The following ABL2 variants were observed in gnomAD, a reference collection of about 807,000 sequenced individuals.
ABL2 encodes the protein tyrosine-protein kinase ABL2.
In ABL2, 49 loss-of-function variants were observed where a neutral mutation model predicts 107.7. The ratio of observed to expected loss-of-function variants is 0.45; its 90% CI spans 0.36 to 0.58. The LOEUF is 0.58. ABL2 is among the 20% of genes least tolerant of loss of function. The probability of loss-of-function intolerance (pLI) is 0.00; values close to 1 mark genes in which losing one functional copy is unlikely to be tolerated. For synonymous variants in ABL2, 549 were observed against 548.6 expected, an observed-to-expected ratio of 1.00 and a Z score of -0.01; for missense variants, 1,245 against 1,457.0, an observed-to-expected ratio of 0.85 and a Z score of 2.37.
rs146159814 is a variant in ABL2, at chr1:179,192,120, C to T, written c.157+37121G>A. Among the ~76,000 whole-genome samples the T allele has an allele frequency of 4.9e-3, 750 of 152,238 alleles. 5 individuals are homozygous for T. The highest frequency in any genetic ancestry group is 0.017 in the African/African-American group (701 of 41,538). ...TCATATTTCACTCCTTGGTTAGTCACGTATATAGCAGGGACTCTATACTCA... is the reference window on the plus strand; with the variant it reads ...TCATATTTCACTCCTTGGTTAGTCATGTATATAGCAGGGACTCTATACTCA... On this transcript the variant is annotated intron_variant, in intron 1 of 11. Coordinates refer to ENST00000502732, the MANE Select transcript of ABL2 (RefSeq NM_007314.4).
At chr1:179,149,256 G>C (rs1260067781) in intron 1 of ABL2, among the ~76,000 whole-genome samples, 1 of 152,320 alleles carries the variant, frequency 6.6e-6, no homozygotes, top group East Asian at 1.9e-4. Context: ...TCCAGAGCAA[G>C]GCCCCAACTC....
chr1:179,126,443 C>T lies in ABL2; in HGVS notation c.621G>A (p.Leu207=). 1 of 1,614,196 alleles carries T rather than the reference C, an allele frequency of 6.2e-7. No individual in the cohort carries two copies. ...VRESESSPGQ[L]SISLRYEGRV... is the part of the protein sequence containing the mutation. The stretch of plus-strand genomic sequence containing the variant: ...GTCCCTCGTACCTGAGCGAGATGGA[C>T]AGCTGCCCAGGGCTACTCTCACTTT... The change falls in exon 4 of 12, where the codon CTG becomes CTA. Residue 207 remains leucine (L), a synonymous_variant. Coordinates refer to ENST00000502732, the MANE Select transcript of ABL2 (RefSeq NM_007314.4). This position sits in a 1 kb window ranked among gnomAD's most constrained non-coding sequence, Gnocchi z 4.4.
intron 1 of ABL2, among the ~76,000 whole-genome samples, chr1:179,194,200 A>T (rs886573396): frequency 1.3e-5 from 2 of 152,190 alleles, no homozygotes; most frequent in African/African-American, 2.4e-5. Flanking sequence ...GTAGAAACAC[A>T]TTTTTTTTGA....
intron 5 of ABL2, among the ~76,000 whole-genome samples, chr1:179,121,193 A>C (rs1655158070): frequency 6.6e-6 from 1 of 152,228 alleles, no homozygotes; most frequent in Non-Finnish European, 1.5e-5. Context: ...ATCTAACTGC[A>C]AAGAGACAGG....
At chr1:179,141,228 C>G (rs1657560541) in intron 1 of ABL2, among the ~76,000 whole-genome samples, 1 of 151,786 alleles carries the variant, frequency 6.6e-6, no homozygotes, top group Admixed American at 6.6e-5. Context: ...GAGGTTGAGC[C>G]TGCAGTGAGC....
Position 179,105,271 on chromosome 1 carries a change from G to A in ABL2, c.*2447C>T, listed in dbSNP as rs990776856. 1.3e-5 allele frequency: 3 copies of A among 230,644 alleles called. No individual in the cohort carries two copies. The highest frequency in any genetic ancestry group is 2.6e-5 in the Non-Finnish European group (3 of 116,678). 14.3% of individuals were successfully genotyped at this position (230,644 alleles called of 1,614,324 possible). ...ATACACTCAGTAGTGTTTCTCCAAGGCTTAGTTCCAGAACTCTCAAGGGAA... is the reference window on the plus strand; with the variant it reads ...ATACACTCAGTAGTGTTTCTCCAAGACTTAGTTCCAGAACTCTCAAGGGAA... On this transcript the variant is annotated 3_prime_UTR_variant, in exon 12 of 12. Transcript: ENST00000502732.
At chr1:179,212,991 A>C (rs1662363153) in intron 1 of ABL2, among the ~76,000 whole-genome samples, 1 of 150,418 alleles carries the variant, frequency 6.6e-6, no homozygotes, top group African/African-American at 2.5e-5. Flanking sequence ...GGTTGCAGTG[A>C]GCCAAGATCA....
In ABL2 at chr1:179,162,585, T is replaced by C. The variant is rs141115401; in HGVS notation, c.158-29211A>G. On this transcript the variant is annotated intron_variant, in intron 1 of 11. Transcript: ENST00000502732. ...GGGCAACAGAGCGAGACTCTGTTTT[T>C]AAAAAAAATTAAAAAATAAATTTAA... Among the ~76,000 whole-genome samples, 1,301 of 152,136 alleles carry C rather than the reference T, an allele frequency of 8.6e-3. 14 individuals carry two copies. The highest frequency in any genetic ancestry group is 0.03 in the African/African-American group (1,240 of 41,476).
At position 179,108,622 on chromosome 1, in the gene ABL2, G is replaced by T; in HGVS notation, c.2645C>A (p.Ala882Asp). 1 of 1,614,170 alleles carries T rather than the reference G, an allele frequency of 6.2e-7. No homozygotes were observed. The highest frequency in any genetic ancestry group is 8.5e-7 in the Non-Finnish European group (1 of 1,180,034). The stretch of plus-strand genomic sequence containing the variant: ...ACCCTTGGGGGCAGCTGCCACTCCA[G>T]CCACTCCCACCCCTGGAGGGTCCTT... ...TEKDPPGVGVAGVAAAPKGKE... is the reference protein window; with the variant it reads ...TEKDPPGVGVDGVAAAPKGKE... The change falls in exon 12 of 12, where the codon GCT (alanine) becomes GAT (aspartate). Residue 882 changes from alanine to aspartate, a missense_variant. Ala to Asp is a moderately radical substitution (Grantham distance 126). Around this residue, in one of 3 missense-constraint regions of ABL2, gnomAD observed 761 missense variants for 766.4 expected, o/e 0.99. Transcript: ENST00000502732.
At chr1:179,143,399 G>A (rs1199025516) in intron 1 of ABL2, among the ~76,000 whole-genome samples, 1 of 152,158 alleles carries the variant, frequency 6.6e-6, no homozygotes, top group Non-Finnish European at 1.5e-5. Flanking sequence ...GAGATGATGA[G>A]GTGAGACTAG....
intron 1 of ABL2, among the ~76,000 whole-genome samples, chr1:179,204,890 T>C (rs1160392112): frequency 6.6e-6 from 1 of 152,208 alleles, no homozygotes; most frequent in Non-Finnish European, 1.5e-5. Context: ...TCGGTTATTC[T>C]AGAGTTTCAG....
rs1349899745 is a variant in ABL2, at chr1:179,117,527, G to A, written c.1224-11C>T. Reference sequence around the variant, plus strand: ...CGAGCTGCAAGATCTCTGTGGGAAAGAGAACCCTAATGTGATTCCATTCAG... The same window carrying A: ...CGAGCTGCAAGATCTCTGTGGGAAAAAGAACCCTAATGTGATTCCATTCAG... On this transcript the variant is annotated splice_polypyrimidine_tract_variant and intron_variant, in intron 7 of 11. Coordinates refer to ENST00000502732, the MANE Select transcript of ABL2 (RefSeq NM_007314.4). 16 of 1,613,652 alleles carry A rather than the reference G, an allele frequency of 9.9e-6. 1 individual carries two copies. The Middle Eastern group carries it at 6.6e-4, about 67-fold the overall frequency.
At chr1:179,141,540 T>G (rs763187554) in intron 1 of ABL2, among the ~76,000 whole-genome samples, 1 of 152,204 alleles carries the variant, frequency 6.6e-6, no homozygotes, top group Non-Finnish European at 1.5e-5. Flanking sequence ...TTCTGAAATA[T>G]GTAAAGTAAT....
intron 1 of ABL2, among the ~76,000 whole-genome samples, chr1:179,210,503 C>CAAAAAAAAAAAA (rs113814284): frequency 4.3e-5 from 4 of 94,082 alleles, no homozygotes; most frequent in East Asian, 3.0e-4. Context: ...CTCTAACTCA[C>CAAAAAAAAAAAA]AAAAAAAAAA....
At chr1:179,157,074 A>G (rs1658743412) in intron 1 of ABL2, among the ~76,000 whole-genome samples, 1 of 152,166 alleles carries the variant, frequency 6.6e-6, no homozygotes, top group African/African-American at 2.4e-5. Context: ...TAACTCCACC[A>G]CCACTACCAA....
At position 179,132,110 on chromosome 1, in the gene ABL2, A is replaced by T. The variant is rs12406754; in HGVS notation, c.221-629T>A. On this transcript the variant is annotated intron_variant, in intron 2 of 11. Coordinates refer to ENST00000502732, the MANE Select transcript of ABL2 (RefSeq NM_007314.4). The stretch of plus-strand genomic sequence containing the variant: ...AATCTTTTTTTCGTTTTAAAAAAAC[A>T]AAAGAAATGTGGCCGCACCCGGCCT... Among the ~76,000 whole-genome samples, 251 of 152,362 alleles carry T rather than the reference A, an allele frequency of 1.6e-3. 4 individuals are homozygous for T. Among genetic ancestry groups the T allele is most frequent in the Admixed American group, 0.015 (228 of 15,308 alleles).
At chr1:179,114,188 G>A (rs970771955) in intron 9 of ABL2, among the ~76,000 whole-genome samples, 23 of 152,036 alleles carry the variant, frequency 1.5e-4, no homozygotes, top group African/African-American at 5.5e-4. Context: ...CTGGGGGACG[G>A]AGGTTGCAAA....
Position 179,206,445 on chromosome 1 carries a change from C to A in ABL2, c.157+22796G>T, listed in dbSNP as rs1367161482. ...GGACACTGTTTACAACAGCAAAAAA[C>A]TGAAAACAAAGTAATTATATAATTC... is the stretch of plus-strand genomic sequence containing the variant. On this transcript the variant is annotated intron_variant, in intron 1 of 11. Coordinates refer to ENST00000502732, the MANE Select transcript of ABL2 (RefSeq NM_007314.4). 2.0e-5 allele frequency among the ~76,000 whole-genome samples: 3 copies of A among 149,698 alleles called. No homozygotes were observed. The Admixed American group carries it at 2.0e-4, about 10-fold the overall frequency.
chr1:179,179,059 T>A (rs901590315), intron 1 of ABL2, among the ~76,000 whole-genome samples: 30 of 152,260 alleles, frequency 2.0e-4, no homozygotes, highest in African/African-American at 6.5e-4. Context: ...ACAGTGGAAA[T>A]TAGGAAACAC....
Sources: allele counts gnomAD v4.1 joint callset (sites outside exome capture counted in the v4.1 genomes callset), GRCh38; gene constraint gnomAD v4.1.1; regional missense constraint gnomAD v4.1.1; non-coding constraint Gnocchi (gnomAD v3.1); transcripts MANE v1.5; gene names NCBI Gene and HGNC (gene_info 2026-07-23, HGNC 2026-07-21).